SLC12A3: variants seen among roughly 807,000 people sequenced by gnomAD.
SLC12A3 encodes Na-Cl cotransporter.
Under a neutral mutation model 121.0 loss-of-function variants are expected in SLC12A3, and 104 were observed. The observed-to-expected ratio is 0.86, with a 90% confidence interval of 0.73 to 1.01. The LOEUF is 1.01. Among genes scored for constraint, SLC12A3 ranks in the 50% least tolerant of loss-of-function variants. SLC12A3 has a pLI of 0.00. For missense variants in SLC12A3, 1,328 were observed against 1,356.3 expected (o/e 0.98, Z 0.33); for synonymous variants, 536 against 533.4 (o/e 1.00, Z -0.07).
At chr16:56,879,007 G>C in intron 9 of SLC12A3, 66 bp from the exon 10 acceptor site, 1 of 1,547,814 alleles carries the variant, frequency 6.5e-7, no homozygotes, top group Admixed American at 1.9e-5. Context: ...CTGCAGAGGT[G>C]GGGCTGGAAG....
chr16:56,894,085 C>G (rs866257933), intron 21 of SLC12A3, among the ~76,000 whole-genome samples: 13 of 150,796 alleles, frequency 8.6e-5, no homozygotes, highest in Middle Eastern at 3.4e-3. Context: ...CTCACTGCAA[C>G]CTCTGCCTCC....
chr16:56,871,406 G>A (rs2055095524), intron 6 of SLC12A3, among the ~76,000 whole-genome samples: 1 of 152,238 alleles, frequency 6.6e-6, no homozygotes, highest in Non-Finnish European at 1.5e-5. Context: ...CTGCGAGGGA[G>A]CCTGGGGAGG....
In SLC12A3 at chr16:56,877,874, G is replaced by A. The variant is rs73557793; in HGVS notation, c.1096-203G>A. ...ATCTTGGTTGTATTCATCCCTCTCT[G>A]GGGGTCCTCAGTCATGAGGCTCCTT... On this transcript the variant is annotated intron_variant, in intron 8 of 25. Coordinates refer to ENST00000563236, the MANE Select transcript of SLC12A3 (RefSeq NM_001126108.2). Among the ~76,000 whole-genome samples the A allele has an allele frequency of 1.5e-3, 232 of 152,330 alleles. 1 individual carries two copies. The highest frequency in any genetic ancestry group is 5.1e-3 in the African/African-American group (214 of 41,580).
chr16:56,912,288 C>T lies in SLC12A3; in HGVS notation c.2925-976C>T, dbSNP rs189655750. Among the ~76,000 whole-genome samples the T allele has an allele frequency of 3.3e-5, 5 of 152,376 alleles. No homozygotes were observed. In the East Asian group the frequency reaches 9.6e-4, roughly 29 times the overall value. ...CTGGGCAGCTGTGGCCATCCCAATG[C>T]ATTTTTGGAATTCTCCAGATAGTAG... On this transcript the variant is annotated intron_variant, in intron 25 of 25. Coordinates refer to ENST00000563236, the MANE Select transcript of SLC12A3 (RefSeq NM_001126108.2).
At chr16:56,880,365 CAGTT>C (rs2055224805) in intron 12 of SLC12A3, 112 bp downstream of exon 12, 5 of 1,333,748 alleles carry the variant, frequency 3.7e-6, no homozygotes, top group Non-Finnish European at 5.1e-6. Context: ...CCGGGCCTGA[CAGTT>C]AGTGGGCACT....
rs766590120 is a variant in SLC12A3, at chr16:56,868,356, G to A, written c.489G>A (p.Thr163=). The A allele has an allele frequency of 8.7e-6, 14 of 1,613,052 alleles. No homozygotes were observed. Among genetic ancestry groups the A allele is most frequent in the African/African-American group, 4.0e-5 (3 of 74,920 alleles). ...VILYLRLPWI[T]AQAGIVLTWI... ...TCTACCTGCGGCTGCCCTGGATTAC[G>A]GCCCAGGCAGGCATCGGTGAGTGCC... The change falls in exon 3 of 26, where the codon ACG becomes ACA. Residue 163 remains threonine, a synonymous_variant. Coordinates refer to ENST00000563236, the MANE Select transcript of SLC12A3 (RefSeq NM_001126108.2).
At chr16:56,906,718 C>A in intron 25 of SLC12A3, 2 of 597,358 alleles carry the variant, frequency 3.3e-6, no homozygotes, top group Non-Finnish European at 5.7e-6. Flanking sequence ...GGATTTAGAA[C>A]TAATTTTGGT....
rs2055476717 is a variant in SLC12A3 at position 56,897,165 on chromosome 16, G to A, written c.2634-2365G>A. ...AAAGGAAGTAAATAGTAAGGCAGGT[G>A]GCACACAAGTATGGAGTTGACAGAT... On this transcript the variant is annotated intron_variant, in intron 22 of 25. Transcript: ENST00000563236. Among the ~76,000 whole-genome samples, 8 of 152,264 alleles carry A rather than the reference G, an allele frequency of 5.3e-5. No homozygotes were observed. In the South Asian group the frequency reaches 1.7e-3, roughly 32 times the overall value.
Position 56,879,094 on chromosome 16 carries a change from C to A in SLC12A3, c.1202C>A (p.Ala401Asp). Residue 401 changes from alanine to aspartate, a missense_variant, in exon 10 of 26, where the codon GCC becomes GAC. By Grantham distance (126) the Ala-to-Asp change is moderately radical (BLOSUM62 -2). Coordinates refer to ENST00000563236, the MANE Select transcript of SLC12A3 (RefSeq NM_001126108.2). Reference protein sequence around the residue: ...ATIGSCVVRDASGVLNDTVTP... With the variant: ...ATIGSCVVRDDSGVLNDTVTP... ...TCAGGCTCCTGCGTGGTGCGTGATG[C>A]CTCTGGGGTCCTGAATGACACAGTG... 1 of 1,612,406 alleles carries A rather than the reference C, an allele frequency of 6.2e-7. No individual in the cohort carries two copies. Among genetic ancestry groups the A allele is most frequent in the Non-Finnish European group, 8.5e-7 (1 of 1,179,552 alleles).
chr16:56,877,824 C>A (rs1190487996), intron 8 of SLC12A3, among the ~76,000 whole-genome samples: 1 of 152,218 alleles, frequency 6.6e-6, no homozygotes, highest in Non-Finnish European at 1.5e-5. Flanking sequence ...TTTCCCAGGG[C>A]CTTGGGTGGA....
At chr16:56,885,695 A>G (rs746890673) in intron 15 of SLC12A3, among the ~76,000 whole-genome samples, 4 of 152,102 alleles carry the variant, frequency 2.6e-5, no homozygotes, top group Admixed American at 6.6e-5. Flanking sequence ...GTACCCTTCA[A>G]AGCTCATTCC....
chr16:56,895,702 G>T (rs1377386787), intron 22 of SLC12A3, among the ~76,000 whole-genome samples: 2 of 151,936 alleles, frequency 1.3e-5, no homozygotes, highest in Admixed American at 1.3e-4. Context: ...GGGGGAGAGT[G>T]GTGGTTTTGG....
At chr16:56,878,382 T>C (rs1187074529) in intron 9 of SLC12A3, among the ~76,000 whole-genome samples, 1 of 151,858 alleles carries the variant, frequency 6.6e-6, no homozygotes, top group East Asian at 1.9e-4. Flanking sequence ...GCAGTGGGCG[T>C]GGTGGGGTCA....
chr16:56,889,630 C>T (rs1183010621), intron 18 of SLC12A3, among the ~76,000 whole-genome samples: 6 of 152,160 alleles, frequency 3.9e-5, no homozygotes, highest in Admixed American at 6.6e-5. Flanking sequence ...CCCACCACCA[C>T]GCCCGGCTAA....
intron 25 of SLC12A3, among the ~76,000 whole-genome samples, chr16:56,911,306 C>CG (rs2055681227): frequency 1.5e-5 from 2 of 134,114 alleles, no homozygotes; most frequent in East Asian, 2.1e-4. Flanking sequence ...TTTTTGAGAC[C>CG]TTTTGTTTGT....
At chr16:56,872,268 C>G in intron 6 of SLC12A3, 83 bp from the exon 7 acceptor site, 1 of 918,736 alleles carries the variant, frequency 1.1e-6, no homozygotes, top group South Asian at 1.3e-5. Flanking sequence ...AGAAACGGGC[C>G]CTGGGCAAAT....
At chr16:56,869,348 G>A (rs1044335022) in intron 3 of SLC12A3, among the ~76,000 whole-genome samples, 5 of 151,796 alleles carry the variant, frequency 3.3e-5, no homozygotes, top group African/African-American at 1.2e-4. Flanking sequence ...TTTTTTTTGA[G>A]ACGAAGTCTC....
At chr16:56,874,675 G>A (rs1427527650) in intron 8 of SLC12A3, among the ~76,000 whole-genome samples, 1 of 152,078 alleles carries the variant, frequency 6.6e-6, no homozygotes, top group Non-Finnish European at 1.5e-5. Flanking sequence ...TGTGGTGGTG[G>A]GTTCCTGTAA....
intron 8 of SLC12A3, among the ~76,000 whole-genome samples, chr16:56,874,751 G>A (rs1037169083): frequency 1.6e-4 from 24 of 152,218 alleles, no homozygotes; most frequent in Admixed American, 6.5e-5. Flanking sequence ...GTTGCAGTGA[G>A]CCAAGATGGC....
Sources: allele counts gnomAD v4.1 joint callset (sites outside exome capture counted in the v4.1 genomes callset), GRCh38; gene constraint gnomAD v4.1.1; transcripts MANE v1.5; gene names NCBI Gene and HGNC (gene_info 2026-07-23, HGNC 2026-07-21).